The following CA10 variants were observed in gnomAD, a reference collection of about 807,000 sequenced individuals.
CA10 encodes the protein carbonic anhydrase-related protein 10.
Under a neutral mutation model 44.2 loss-of-function variants are expected in CA10, and 14 were observed. The ratio of observed to expected loss-of-function variants is 0.32; its 90% CI spans 0.21 to 0.50. The LOEUF (loss-of-function observed/expected upper bound fraction) is 0.50, where lower values mean the gene tolerates loss of function less well. CA10 is among the 20% of genes least tolerant of loss of function. The probability of loss-of-function intolerance (pLI) is 0.99; values close to 1 mark genes in which losing one functional copy is unlikely to be tolerated. For missense variants in CA10, 350 were observed against 409.7 expected (o/e 0.85, Z 1.26); for synonymous variants, 159 against 141.6 (o/e 1.12, Z -0.87).
chr17:51,780,769 T>C (rs914597176), intron 3 of CA10, among the ~76,000 whole-genome samples: 6 of 152,072 alleles, frequency 3.9e-5, no homozygotes, highest in African/African-American at 1.4e-4. Context: ...GTGAAAGAAA[T>C]GGCACACCTG....
intron 3 of CA10, among the ~76,000 whole-genome samples, chr17:51,910,698 C>A (rs972658598): frequency 6.6e-6 from 1 of 152,050 alleles, no homozygotes; most frequent in African/African-American, 2.4e-5. Context: ...TAAAACACAT[C>A]GATTGTTCAA....
At chr17:52,073,106 C>G (rs996111460) in intron 1 of CA10, among the ~76,000 whole-genome samples, 3 of 152,074 alleles carry the variant, frequency 2.0e-5, no homozygotes, top group Non-Finnish European at 2.9e-5. Flanking sequence ...TATGCTTATC[C>G]CTTTATTAAA....
At chr17:52,088,836 A>T (rs546034689) in intron 1 of CA10, among the ~76,000 whole-genome samples, 124 of 152,364 alleles carry the variant, frequency 8.1e-4, no homozygotes, top group Non-Finnish European at 1.5e-3. Flanking sequence ...ATCACAGGTG[A>T]GGCAGATGCC....
At chr17:52,080,453 AAAAT>A (rs71357869) in intron 1 of CA10, among the ~76,000 whole-genome samples, 69,269 of 137,734 alleles carry the variant, frequency 0.5, 18,036 homozygotes, top group Middle Eastern at 0.58. Flanking sequence ...CTCCATCTCA[AAAAT>A]AAATAAATAA....
At chr17:51,656,075 A>T (rs527345252) in intron 4 of CA10, among the ~76,000 whole-genome samples, 2 of 152,288 alleles carry the variant, frequency 1.3e-5, no homozygotes, top group Admixed American at 6.5e-5. Flanking sequence ...CCTCCCTTCC[A>T]GTGCTGAGTA....
chr17:51,659,160 C>T (rs929164764), intron 4 of CA10, among the ~76,000 whole-genome samples: 3 of 152,130 alleles, frequency 2.0e-5, no homozygotes, highest in African/African-American at 4.8e-5. Context: ...GCCTTATCAG[C>T]GAGGGTGGGC....
intron 4 of CA10, among the ~76,000 whole-genome samples, chr17:51,698,114 G>A (rs1915462134): frequency 6.6e-6 from 1 of 152,198 alleles, no homozygotes; most frequent in Non-Finnish European, 1.5e-5. Flanking sequence ...CTGCCTCCCT[G>A]CTGGGTCCTG....
intron 2 of CA10, among the ~76,000 whole-genome samples, chr17:51,991,851 C>T (rs1400038610): frequency 6.6e-6 from 1 of 152,034 alleles, no homozygotes; most frequent in African/African-American, 2.4e-5. Context: ...CTAGGCATTC[C>T]TAAAGTCTTT....
chr17:52,022,375 C>T (rs1388461289), intron 2 of CA10, among the ~76,000 whole-genome samples: 5 of 152,024 alleles, frequency 3.3e-5, no homozygotes, highest in Non-Finnish European at 2.9e-5. Flanking sequence ...TCTTGATAGA[C>T]ACAGAAAGAT....
At chr17:51,671,497 C>T (rs542744961) in intron 4 of CA10, among the ~76,000 whole-genome samples, 307 of 152,202 alleles carry the variant, frequency 2.0e-3, no homozygotes, top group Non-Finnish European at 3.0e-3. Flanking sequence ...CTCCACCTCC[C>T]GGGTTCACGC....
Position 51,878,920 on chromosome 17 carries a change from GT to G in CA10, c.279+52069del, listed in dbSNP as rs535467824. 4.7e-5 allele frequency among the ~76,000 whole-genome samples: 6 copies of G among 127,770 alleles called. No homozygotes were observed. In the East Asian group the frequency reaches 1.2e-3, roughly 26 times the overall value. 83.8% of individuals were successfully genotyped at this position (127,770 alleles called of 152,430 possible). On this transcript the variant is annotated intron_variant, in intron 3 of 8. Coordinates refer to ENST00000451037, the MANE Select transcript of CA10 (RefSeq NM_020178.5). ...TGTGTGTGTGTGTGTGTGTATGTGT[GT>G]ATGTGTGTTTGTGTATATATATATA... is the stretch of plus-strand genomic sequence containing the variant.
At chr17:51,899,846 C>T (rs913849502) in intron 3 of CA10, among the ~76,000 whole-genome samples, 4 of 151,406 alleles carry the variant, frequency 2.6e-5, no homozygotes, top group African/African-American at 7.3e-5. Context: ...TCTACTTTGT[C>T]TGAAATTAAT....
chr17:51,971,317 A>T (rs1281369137), intron 2 of CA10, among the ~76,000 whole-genome samples: 1 of 152,128 alleles, frequency 6.6e-6, no homozygotes. Context: ...CAGAAAAATC[A>T]TATGGAACTT....
chr17:52,060,210 C>T (rs1198879121), intron 2 of CA10, among the ~76,000 whole-genome samples: 1 of 152,132 alleles, frequency 6.6e-6, no homozygotes, highest in Non-Finnish European at 1.5e-5. Flanking sequence ...GCATCAAACA[C>T]ACAGAAATTC....
intron 1 of CA10, among the ~76,000 whole-genome samples, chr17:52,084,815 A>G (rs1988076079): frequency 6.6e-6 from 1 of 152,058 alleles, no homozygotes; most frequent in East Asian, 1.9e-4. Flanking sequence ...TACAGACTAT[A>G]TTAGCCATAT....
intron 2 of CA10, among the ~76,000 whole-genome samples, chr17:52,065,595 C>G (rs998775977): frequency 1.3e-5 from 2 of 152,188 alleles, no homozygotes; most frequent in Non-Finnish European, 1.5e-5. Flanking sequence ...TCTTCTCTGA[C>G]TTTGAATTCT....
chr17:51,957,904 TC>T (rs1413083530), intron 2 of CA10, among the ~76,000 whole-genome samples: 2 of 151,622 alleles, frequency 1.3e-5, no homozygotes, highest in Non-Finnish European at 2.9e-5. Flanking sequence ...CCTTTCTCAC[TC>T]CCCCCGAGAG....
chr17:51,953,140 A>T (rs965958429), intron 2 of CA10, among the ~76,000 whole-genome samples: 6 of 152,180 alleles, frequency 3.9e-5, no homozygotes, highest in Non-Finnish European at 8.8e-5. Context: ...AGACTGATGC[A>T]GTCTGTTCTA....
At chr17:51,660,011 TAGAAGGGGTCTTAG>T (rs1913941216) in intron 4 of CA10, among the ~76,000 whole-genome samples, 1 of 152,206 alleles carries the variant, frequency 6.6e-6, no homozygotes, top group South Asian at 2.1e-4. Context: ...CATAGAATCT[TAGAAGGGGTCTTAG>T]AGAAAATCAA....
Sources: allele counts gnomAD v4.1 joint callset (sites outside exome capture counted in the v4.1 genomes callset), GRCh38; gene constraint gnomAD v4.1.1; transcripts MANE v1.5; gene names NCBI Gene and HGNC (gene_info 2026-07-23, HGNC 2026-07-21).